The following ARHGEF37 variants were observed in gnomAD, a reference collection of about 807,000 sequenced individuals.
ARHGEF37 encodes Rho guanine nucleotide exchange factor 37.
A neutral mutation model predicts 71.1 loss-of-function variants in ARHGEF37; 55 were observed. That is an observed-to-expected ratio of 0.77 (90% CI 0.62 to 0.97). ARHGEF37 has a LOEUF of 0.97. Ranked by LOEUF, ARHGEF37 falls within the 50% of genes least tolerant of loss-of-function variation. ARHGEF37 has a pLI of 0.00. For synonymous variants in ARHGEF37, 327 were observed against 350.6 expected, an observed-to-expected ratio of 0.93 and a Z score of 0.75; for missense variants, 765 against 836.8, an observed-to-expected ratio of 0.91 and a Z score of 1.06.
chr5:149,568,088 C>G (rs1580882927), intron 1 of ARHGEF37, among the ~76,000 whole-genome samples: 1 of 151,904 alleles, frequency 6.6e-6, no homozygotes, highest in East Asian at 1.9e-4. Flanking sequence ...AAACCTGATT[C>G]TTATTATCCT....
intron 8 of ARHGEF37, 58 bp from the exon 9 acceptor site, chr5:149,621,675 A>T (rs1286760277): frequency 6.6e-7 from 1 of 1,509,046 alleles, no homozygotes; most frequent in African/African-American, 1.4e-5. Context: ...GCCCCTTCTC[A>T]CAGCCCCTGC....
upstream of ARHGEF37, among the ~76,000 whole-genome samples, chr5:149,578,878 T>A (rs148519671): frequency 4.2e-3 from 634 of 152,310 alleles, 11 homozygotes; most frequent in African/African-American, 0.014. Flanking sequence ...ATTGCCGCTC[T>A]TCAAAATCTG....
intron 1 of ARHGEF37, among the ~76,000 whole-genome samples, chr5:149,557,251 G>A (rs1561780690): frequency 6.6e-6 from 1 of 152,148 alleles, no homozygotes; most frequent in Non-Finnish European, 1.5e-5. Context: ...CGAGACCCAG[G>A]ACTTATATAC....
At position 149,594,566 on chromosome 5, in the gene ARHGEF37, T is replaced by G. The variant is rs140374859; in HGVS notation, c.-11-3193T>G. Among the ~76,000 whole-genome samples the G allele has an allele frequency of 5.4e-3, 819 of 152,294 alleles. 4 individuals carry two copies. The highest frequency in any genetic ancestry group is 0.022 in the South Asian group (108 of 4,830). The stretch of plus-strand genomic sequence containing the variant: ...AGACAGAAACTTCAACAAATACTAA[T>G]ACATCCATAAGAACCATTTATGTAG... On this transcript the variant is annotated intron_variant, in intron 1 of 12. Transcript: ENST00000333677.
At chr5:149,602,437 G>A (rs1763783365) in intron 3 of ARHGEF37, among the ~76,000 whole-genome samples, 1 of 151,940 alleles carries the variant, frequency 6.6e-6, no homozygotes, top group African/African-American at 2.4e-5. Context: ...AGCGAGATCA[G>A]TTGGGGGCTT....
In ARHGEF37 at chr5:149,599,179, G is replaced by A. The variant is rs183691141; in HGVS notation, c.186+1224G>A. Among the ~76,000 whole-genome samples the A allele has an allele frequency of 5.3e-3, 804 of 152,336 alleles. 9 individuals are homozygous for A. The highest frequency in any genetic ancestry group is 8.7e-3 in the Non-Finnish European group (591 of 68,026). On this transcript the variant is annotated intron_variant, in intron 2 of 12. Coordinates refer to ENST00000333677, the MANE Select transcript of ARHGEF37 (RefSeq NM_001001669.3). ...AGGATTCCCTGATAGGCCTCTAGGG[G>A]ACTGACTCCTTAGGGAAGAGTTCCA...
chr5:149,571,848 A>C (rs1000473336), intron 1 of ARHGEF37, among the ~76,000 whole-genome samples: 5 of 142,190 alleles, frequency 3.5e-5, no homozygotes, highest in Non-Finnish European at 7.5e-5. Context: ...TCGAGGCTGC[A>C]GTGAGCTGTG....
At chr5:149,556,366 G>GTATTTATTTATTTATTTATT (rs34107862) in intron 1 of ARHGEF37, among the ~76,000 whole-genome samples, 4 of 142,676 alleles carry the variant, frequency 2.8e-5, no homozygotes, top group African/African-American at 7.9e-5. Context: ...GCTAGTTTTT[G>GTATTTATTTATTTATTTATT]TATTTATTTA....
intron 2 of ARHGEF37, 54 bp from the exon 3 acceptor site, chr5:149,601,054 A>G: frequency 1.9e-6 from 3 of 1,582,594 alleles, no homozygotes; most frequent in African/African-American, 1.3e-5. Context: ...AAAGCCTGCA[A>G]ATACATTCTA....
intron 1 of ARHGEF37, among the ~76,000 whole-genome samples, chr5:149,570,033 T>C (rs985649818): frequency 2.0e-5 from 3 of 152,170 alleles, no homozygotes; most frequent in African/African-American, 7.2e-5. Context: ...GTGTATGCAG[T>C]AGTAATTCCC....
rs1202336458 is a variant in ARHGEF37 at position 149,628,905 on chromosome 5, C to T, written c.1757C>T (p.Pro586Leu). The change falls in exon 12 of 13, where the codon CCC becomes CTC. Residue 586 changes from proline (P) to leucine (L), a missense_variant. Around this residue, in one of 5 missense-constraint regions of ARHGEF37, gnomAD observed 390 missense variants for 407.4 expected, o/e 0.96. Transcript: ENST00000333677. ...AGGCAGGCGGGGCTGAACAAAGACC[C>T]CCGATGTCTAACACCGGAGCCCAGC... ...LRRQAGLNKD[P>L]RCLTPEPSPA... 1 of 1,613,440 alleles carries T rather than the reference C, an allele frequency of 6.2e-7. No homozygotes were observed. Among genetic ancestry groups the T allele is most frequent in the Admixed American group, 1.7e-5 (1 of 60,018 alleles).
chr5:149,564,690 G>A (rs997437653), intron 1 of ARHGEF37, among the ~76,000 whole-genome samples: 4 of 152,118 alleles, frequency 2.6e-5, no homozygotes, highest in Admixed American at 2.6e-4. Flanking sequence ...TGGGCGTGGT[G>A]GTGCATGCCT....
chr5:149,605,489 T>C (rs1763890920), intron 3 of ARHGEF37, among the ~76,000 whole-genome samples: 1 of 152,188 alleles, frequency 6.6e-6, no homozygotes, highest in South Asian at 2.1e-4. Context: ...GGGTTCATCA[T>C]ATTTCAAGTG....
chr5:149,631,356 A>AG (rs1752880634), intron 12 of ARHGEF37, among the ~76,000 whole-genome samples: 1 of 151,678 alleles, frequency 6.6e-6, no homozygotes, highest in Admixed American at 6.6e-5. Context: ...TTTTTAGTAG[A>AG]GGCAGGGTTT....
chr5:149,560,693 G>A (rs934562920), intron 1 of ARHGEF37, among the ~76,000 whole-genome samples: 3 of 151,858 alleles, frequency 2.0e-5, no homozygotes, highest in Admixed American at 6.6e-5. Context: ...AGGGCGAGGG[G>A]GCAGATGACT....
chr5:149,553,391 T>C (rs1762711400), intron 1 of ARHGEF37, among the ~76,000 whole-genome samples: 1 of 151,688 alleles, frequency 6.6e-6, no homozygotes, highest in Admixed American at 6.6e-5. Flanking sequence ...AGAGCGAGAC[T>C]CCACTCCATC....
chr5:149,591,493 C>T (rs1201293878), intron 1 of ARHGEF37, among the ~76,000 whole-genome samples: 1 of 152,198 alleles, frequency 6.6e-6, no homozygotes, highest in East Asian at 1.9e-4. Flanking sequence ...AAGTGATCCT[C>T]CCTCCTCAGC....
intron 1 of ARHGEF37, among the ~76,000 whole-genome samples, chr5:149,555,292 G>A (rs1297118489): frequency 1.3e-5 from 2 of 151,880 alleles, no homozygotes; most frequent in Non-Finnish European, 2.9e-5. Context: ...AATAATAATT[G>A]TATTTTTTAA....
At chr5:149,556,515 G>A (rs1264693419) in intron 1 of ARHGEF37, among the ~76,000 whole-genome samples, 1 of 152,070 alleles carries the variant, frequency 6.6e-6, no homozygotes, top group Non-Finnish European at 1.5e-5. Context: ...AGCCTCCCAA[G>A]TAGCTGGGAT....
Sources: allele counts gnomAD v4.1 joint callset (sites outside exome capture counted in the v4.1 genomes callset), GRCh38; gene constraint gnomAD v4.1.1; regional missense constraint gnomAD v4.1.1; transcripts MANE v1.5; gene names NCBI Gene and HGNC (gene_info 2026-07-23, HGNC 2026-07-21).